Variants in RIT1 observed in about 807,000 individuals in gnomAD.
RIT1 encodes the protein GTP-binding protein Rit1.
RIT1 carries 6 observed loss-of-function variants against 25.6 expected under a neutral mutation model. That is an observed-to-expected ratio of 0.23 (90% confidence interval 0.13 to 0.46). RIT1 has a LOEUF of 0.46. RIT1 is among the 20% of genes least tolerant of loss of function. The pLI is 0.99. For synonymous variants in RIT1, 81 were observed against 94.1 expected (o/e 0.86, Z 0.80); for missense variants, 219 against 284.4 (o/e 0.77, Z 1.65).
At chr1:155,903,021 G>A (rs1051054195) in intron 5 of RIT1, among the ~76,000 whole-genome samples, 1 of 151,958 alleles carries the variant, frequency 6.6e-6, no homozygotes, top group Non-Finnish European at 1.5e-5. Flanking sequence ...AATTAGGCCG[G>A]GCGCGGTGGC....
At chr1:155,905,255 G>C (rs1238593239) in intron 3 of RIT1, among the ~76,000 whole-genome samples, 1 of 151,708 alleles carries the variant, frequency 6.6e-6, no homozygotes, top group Admixed American at 6.6e-5. Context: ...GGAGTGCAGT[G>C]GTGCAATTTC....
chr1:155,898,712 T>C lies in RIT1; in HGVS notation c.*1676A>G, dbSNP rs1673246046. 5.2e-6 allele frequency: 1 copy of C among 191,100 alleles called. No homozygotes were observed. Among genetic ancestry groups the C allele is most frequent in the South Asian group, 1.9e-4 (1 of 5,134 alleles). 11.8% of individuals were successfully genotyped at this position (191,100 alleles called of 1,614,324 possible). A position where few individuals can be genotyped will look rare whatever the true frequency, so the allele number is the denominator to read the frequency against. On this transcript the variant is annotated 3_prime_UTR_variant, in exon 6 of 6. Coordinates refer to ENST00000368323, the MANE Select transcript of RIT1 (RefSeq NM_006912.6). Reference sequence around the variant, plus strand: ...CCAAAGTGCTATAGTTCCTGTGAGATTTGTGTCCTGCACAGAATCAAATGC... The same window carrying C: ...CCAAAGTGCTATAGTTCCTGTGAGACTTGTGTCCTGCACAGAATCAAATGC...
Position 155,910,391 on chromosome 1 carries a change from T to C in RIT1, c.163+59A>G, listed in dbSNP as rs1056783695. 2.3e-5 allele frequency: 31 copies of C among 1,365,838 alleles called. No homozygotes were observed. The East Asian group carries it at 6.9e-4, about 30-fold the overall frequency. 84.6% of individuals were successfully genotyped at this position (1,365,838 alleles called of 1,614,324 possible). A position where few individuals can be genotyped will look rare whatever the true frequency, so the allele number is the denominator to read the frequency against. ...AATATAAATAGTTAGAAACTACTGA[T>C]ATTCATTAAGATATTTTTATGGGGT... On this transcript the variant is annotated intron_variant, in intron 3 of 5. Coordinates refer to ENST00000368323, the MANE Select transcript of RIT1 (RefSeq NM_006912.6).
chr1:155,907,237 A>G (rs1453705841), intron 3 of RIT1, among the ~76,000 whole-genome samples: 1 of 149,832 alleles, frequency 6.7e-6, no homozygotes, highest in Admixed American at 6.8e-5. Context: ...ACACATTCAT[A>G]TGCTTTTTTT....
At chr1:155,906,719 C>T (rs1449625687) in intron 3 of RIT1, among the ~76,000 whole-genome samples, 1 of 131,784 alleles carries the variant, frequency 7.6e-6, no homozygotes, top group African/African-American at 3.0e-5. Flanking sequence ...AAGATTGTGC[C>T]ACTGGACTCT....
intron 4 of RIT1, 93 bp from the exon 5 acceptor site, chr1:155,904,595 T>A: frequency 7.8e-7 from 1 of 1,286,526 alleles, no homozygotes; most frequent in Non-Finnish European, 1.1e-6. Context: ...AAAACGCATG[T>A]CGATTACCTG....
intron 3 of RIT1, among the ~76,000 whole-genome samples, chr1:155,909,251 G>A (rs940516375): frequency 9.9e-5 from 15 of 151,742 alleles, no homozygotes; most frequent in Non-Finnish European, 1.3e-4. Flanking sequence ...GGTGGCGGGC[G>A]CCTGTAGTCC....
intron 5 of RIT1, among the ~76,000 whole-genome samples, chr1:155,902,520 GA>G (rs1673332630): frequency 6.8e-6 from 1 of 146,948 alleles, no homozygotes; most frequent in South Asian, 2.2e-4. Flanking sequence ...TGGGTGATAA[GA>G]GTGAAACTCT....
rs1673255072 is a variant in RIT1, at chr1:155,899,182, G to T, written c.*1206C>A. 4.8e-6 allele frequency: 1 copy of T among 208,032 alleles called. No homozygotes were observed. Among genetic ancestry groups the T allele is most frequent in the Admixed American group, 5.9e-5 (1 of 16,822 alleles). 12.9% of individuals were successfully genotyped at this position (208,032 alleles called of 1,614,324 possible). ...ACAGTTCCTAAACTATGCACAGGGA[G>T]CAAAGTGGTATTCCCTTAGGATAAA... On this transcript the variant is annotated 3_prime_UTR_variant, in exon 6 of 6. Transcript: ENST00000368323.
At position 155,904,464 on chromosome 1, in the gene RIT1, T is replaced by C. The variant is rs1207201311; in HGVS notation, c.276A>G (p.Ala92=). Residue 92 remains alanine, a synonymous_variant, in exon 5 of 6, where the codon GCA becomes GCG. Transcript: ENST00000368323. ...FTAMRDQYMR[A]GEGFIICYSI... ...AGTAACAGATGATAAACCCTTCTCC[T>C]GCCCTCATATACTGGTCCCGCATGG... 1.2e-6 allele frequency: 2 copies of C among 1,613,964 alleles called. No homozygotes were observed. Among genetic ancestry groups the C allele is most frequent in the African/African-American group, 2.7e-5 (2 of 74,906 alleles).
chr1:155,904,552 C>A, intron 4 of RIT1, 50 bp from the exon 5 acceptor site: 1 of 1,497,372 alleles, frequency 6.7e-7, no homozygotes, highest in Admixed American at 1.7e-5. Context: ...AGCCCAACTA[C>A]ACACACAATT....
chr1:155,906,441 T>TA (rs1673440332), intron 3 of RIT1, among the ~76,000 whole-genome samples: 1 of 151,870 alleles, frequency 6.6e-6, no homozygotes, highest in East Asian at 1.9e-4. Context: ...AGCATTAAAA[T>TA]AAACAAGCAG....
chr1:155,909,725 C>A (rs1673542394), intron 3 of RIT1, among the ~76,000 whole-genome samples: 2 of 151,834 alleles, frequency 1.3e-5, no homozygotes, highest in Admixed American at 6.6e-5. Context: ...AGTTTGAGAC[C>A]AGCCTGGCCA....
intron 3 of RIT1, 75 bp from the exon 4 acceptor site, chr1:155,904,879 GAGT>G: frequency 1.0e-6 from 1 of 964,732 alleles, no homozygotes; most frequent in Middle Eastern, 2.1e-4. Context: ...TCATCTTACA[GAGT>G]AGTACATTGT....
chr1:155,902,756 G>A (rs952849731), intron 5 of RIT1, among the ~76,000 whole-genome samples: 2 of 150,906 alleles, frequency 1.3e-5, no homozygotes, highest in African/African-American at 2.4e-5. Flanking sequence ...CAGGAGAATC[G>A]CTTGAACTCA....
intron 2 of RIT1, 63 bp downstream of exon 2, chr1:155,910,593 T>TA: frequency 1.2e-6 from 2 of 1,606,572 alleles, no homozygotes; most frequent in Non-Finnish European, 1.7e-6. Context: ...ATAGCAAGTA[T>TA]CCCATCTGGT....
At chr1:155,901,098 G>A (rs1348269253) in intron 5 of RIT1, among the ~76,000 whole-genome samples, 2 of 152,120 alleles carry the variant, frequency 1.3e-5, no homozygotes, top group Admixed American at 6.6e-5. Flanking sequence ...TACAGGCGTC[G>A]GCCACTGTGC....
intron 4 of RIT1, 102 bp from the exon 5 acceptor site, chr1:155,904,604 T>A: frequency 8.0e-7 from 1 of 1,251,936 alleles, no homozygotes; most frequent in Non-Finnish European, 1.2e-6. Flanking sequence ...GTCGATTACC[T>A]GCTATCCTGA....
intron 5 of RIT1, 57 bp downstream of exon 5, chr1:155,904,254 A>G (rs1010904975): frequency 1.1e-5 from 15 of 1,328,948 alleles, no homozygotes; most frequent in Non-Finnish European, 1.6e-5. Flanking sequence ...GTAAGCCAAG[A>G]AACAAAAATG....
Sources: allele counts gnomAD v4.1 joint callset (sites outside exome capture counted in the v4.1 genomes callset), GRCh38; gene constraint gnomAD v4.1.1; transcripts MANE v1.5; gene names NCBI Gene and HGNC (gene_info 2026-07-23, HGNC 2026-07-21).